Variants in HEPH observed in about 807,000 individuals in gnomAD.
HEPH encodes hephaestin.
HEPH carries 69 observed loss-of-function variants against 80.8 expected under a neutral mutation model. The ratio of observed to expected loss-of-function variants is 0.85; its 90% CI spans 0.70 to 1.04. The LOEUF (loss-of-function observed/expected upper bound fraction) is 1.04. HEPH is among the 50% of genes least tolerant of loss of function. The pLI is 0.00. For synonymous variants in HEPH, 431 were observed against 322.8 expected (o/e 1.34, Z -3.60); for missense variants, 1,115 against 891.3 (o/e 1.25, Z -3.20).
rs1265924767 is a variant in HEPH at position 66,247,379 on chromosome X, A to G, written c.2564-7656A>G. Among the ~76,000 whole-genome samples, 3 of 106,094 alleles carry G rather than the reference A, an allele frequency of 2.8e-5. No homozygotes were observed. The Admixed American group carries it at 3.2e-4, about 11-fold the overall frequency. 92.1% of individuals were successfully genotyped at this position (106,094 alleles called of 115,157 possible). A position where few individuals can be genotyped will look rare whatever the true frequency, so the allele number is the denominator to read the frequency against. On this transcript the variant is annotated intron_variant, in intron 15 of 20. Transcript: ENST00000343002. ...TCATTATTCTCTCCTTCTGCTCCTC[A>G]TACTAGATATTTTCCATTGTCCTAT...
At chrX:66,227,941 G>T (rs1470367989) in intron 15 of HEPH, among the ~76,000 whole-genome samples, 6 of 110,751 alleles carry the variant, frequency 5.4e-5, no homozygotes, top group Non-Finnish European at 1.1e-4. Context: ...GAATAATGTT[G>T]GTATTTTGAT....
chrX:66,255,729 G>A (rs1045630048), intron 16 of HEPH, among the ~76,000 whole-genome samples: 6 of 111,315 alleles, frequency 5.4e-5, no homozygotes, highest in Admixed American at 4.8e-4. Flanking sequence ...CACAATGGGA[G>A]GTGCATGTAC....
intron 11 of HEPH, chrX:66,200,329 G>T: frequency 2.4e-6 from 1 of 412,218 alleles, no homozygotes; most frequent in Non-Finnish European, 4.2e-6. Context: ...TGGAGGTGAG[G>T]CCAGAAAGGA....
At chrX:66,250,343 C>T (rs920951874) in intron 15 of HEPH, among the ~76,000 whole-genome samples, 1 of 111,800 alleles carries the variant, frequency 8.9e-6, no homozygotes, top group Non-Finnish European at 1.9e-5. Context: ...AGCCTAAACT[C>T]TTCTATAACA....
At chrX:66,213,964 G>A (rs972127813) in intron 15 of HEPH, among the ~76,000 whole-genome samples, 1 of 112,133 alleles carries the variant, frequency 8.9e-6, no homozygotes, top group African/African-American at 3.2e-5. Context: ...ATGTTTGCTG[G>A]AAATGTCTTA....
chrX:66,210,385 G>T (rs1028834952), intron 15 of HEPH, among the ~76,000 whole-genome samples: 1 of 111,855 alleles, frequency 8.9e-6, no homozygotes, highest in Non-Finnish European at 1.9e-5. Context: ...TTAATTTTAA[G>T]ACTTAGGCAG....
intron 15 of HEPH, among the ~76,000 whole-genome samples, chrX:66,240,501 A>G (rs193137796): frequency 1.3e-4 from 13 of 97,129 alleles, no homozygotes; most frequent in African/African-American, 4.9e-4. Context: ...AACTCAAAGC[A>G]CCACAACTTG....
chrX:66,257,454 C>T (rs1477559140), intron 17 of HEPH, among the ~76,000 whole-genome samples: 1 of 111,833 alleles, frequency 8.9e-6, no homozygotes, highest in African/African-American at 3.2e-5. Flanking sequence ...GGTTCCTGAA[C>T]CAACTGAGAA....
chrX:66,203,694 A>T (rs1260878207), intron 13 of HEPH, 117 bp downstream of exon 13: 2 of 575,422 alleles, frequency 3.5e-6, no homozygotes, highest in East Asian at 7.2e-5. Flanking sequence ...ATACCAACAG[A>T]TTTGGGAGAT....
chrX:66,162,689 C>T (rs1427507479), upstream of HEPH: 3 of 1,150,048 alleles, frequency 2.6e-6, no homozygotes, highest in South Asian at 3.8e-5. Flanking sequence ...TGGGGCAGCG[C>T]CTAAGTGTCT....
intron 15 of HEPH, among the ~76,000 whole-genome samples, chrX:66,244,532 CT>C (rs1403819030): frequency 9.0e-6 from 1 of 111,344 alleles, no homozygotes; most frequent in African/African-American, 3.3e-5. Context: ...CTTAAAATGC[CT>C]ATTTTCTTTT....
Position 66,207,219 on chromosome X carries a change from C to T in HEPH, c.2316C>T (p.Asn772=). 8.3e-7 allele frequency: 1 copy of T among 1,206,034 alleles called. No homozygotes were observed. The highest frequency in any genetic ancestry group is 1.1e-6 in the Non-Finnish European group (1 of 892,336). ...GTTATGGTTACATTTTCCTGAGCAA[C>T]AAGGATGGGCTCCTGGGTTCCAGAT... ...KDSYGYIFLS[N]KDGLLGSRYK... is the part of the protein sequence containing the mutation. Residue 772 remains asparagine (N), a synonymous_variant, in exon 14 of 21, where the codon AAC becomes AAT. Coordinates refer to ENST00000343002, the MANE Select transcript of HEPH (RefSeq NM_001367233.3).
intron 15 of HEPH, among the ~76,000 whole-genome samples, chrX:66,218,991 A>G (rs964676426): frequency 8.9e-6 from 1 of 111,806 alleles, no homozygotes; most frequent in Non-Finnish European, 1.9e-5. Flanking sequence ...ATAAGACAAT[A>G]TGAGGGGTGG....
intron 15 of HEPH, among the ~76,000 whole-genome samples, chrX:66,254,809 C>G (rs2091119117): frequency 1.0e-5 from 1 of 96,317 alleles, no homozygotes; most frequent in African/African-American, 3.9e-5. Flanking sequence ...GGCTGCCTTA[C>G]TAGAGGATTG....
At chrX:66,227,608 G>A (rs1314845774) in intron 15 of HEPH, among the ~76,000 whole-genome samples, 1 of 111,814 alleles carries the variant, frequency 8.9e-6, no homozygotes, top group Non-Finnish European at 1.9e-5. Context: ...ACACAAATCA[G>A]TACCATTTGT....
At chrX:66,254,306 C>G (rs2091101081) in intron 15 of HEPH, among the ~76,000 whole-genome samples, 1 of 110,578 alleles carries the variant, frequency 9.0e-6, no homozygotes, top group Admixed American at 9.6e-5. Flanking sequence ...ATCAATAAGA[C>G]CTGCCATTTG....
intron 12 of HEPH, among the ~76,000 whole-genome samples, chrX:66,201,044 G>C (rs1022866812): frequency 1.8e-4 from 20 of 111,183 alleles, no homozygotes; most frequent in African/African-American, 6.5e-4. Flanking sequence ...TTATATGGCA[G>C]GGAGTGGACT....
At chrX:66,221,178 G>A (rs1042050685) in intron 15 of HEPH, among the ~76,000 whole-genome samples, 3 of 111,276 alleles carry the variant, frequency 2.7e-5, no homozygotes, top group African/African-American at 9.8e-5. Context: ...CACTTTGCAG[G>A]GGTTGGCACA....
intron 15 of HEPH, among the ~76,000 whole-genome samples, chrX:66,240,433 A>G (rs2090524623): frequency 9.0e-6 from 1 of 110,805 alleles, no homozygotes; most frequent in African/African-American, 3.3e-5. Context: ...AAGACTTCAA[A>G]TAAAATGGCT....
Sources: gnomAD v4.1 joint callset for allele counts (sites outside exome capture counted in the v4.1 genomes callset) on GRCh38, gnomAD v4.1.1 for gene constraint, MANE v1.5 for transcripts, NCBI Gene and HGNC (gene_info 2026-07-23, HGNC 2026-07-21) for gene names.